GPC5: variants seen among roughly 807,000 people sequenced by gnomAD.
GPC5 encodes the protein glypican-5.
A neutral mutation model predicts 53.9 loss-of-function variants in GPC5; 47 were observed. The observed-to-expected ratio is 0.87, with a 90% CI of 0.69 to 1.11. The LOEUF (loss-of-function observed/expected upper bound fraction) is 1.11. Ranked by LOEUF, GPC5 falls within the 50% of genes most tolerant of loss-of-function variation. The pLI, the probability that GPC5 is intolerant of heterozygous loss-of-function variation, is 0.00. For synonymous variants in GPC5, 286 were observed against 263.3 expected, an observed-to-expected ratio of 1.09 and a Z score of -0.84; for missense variants, 748 against 713.1, an observed-to-expected ratio of 1.05 and a Z score of -0.56.
intron 5 of GPC5, among the ~76,000 whole-genome samples, chr13:91,866,326 T>C (rs1291508713): frequency 6.6e-6 from 1 of 152,216 alleles, no homozygotes; most frequent in African/African-American, 2.4e-5. Flanking sequence ...CTGTTAGTGA[T>C]ATGGTTTGGA....
chr13:92,533,930 A>G (rs529963946), intron 7 of GPC5, among the ~76,000 whole-genome samples: 5 of 152,144 alleles, frequency 3.3e-5, no homozygotes, highest in Non-Finnish European at 7.4e-5. Flanking sequence ...AACCTAACTA[A>G]AAGTGTGAAT....
At chr13:91,444,567 G>T (rs1880653034) in intron 1 of GPC5, among the ~76,000 whole-genome samples, 1 of 152,084 alleles carries the variant, frequency 6.6e-6, no homozygotes, top group South Asian at 2.1e-4. Flanking sequence ...TGTTAATTTT[G>T]TGTAGTGTTT....
intron 2 of GPC5, among the ~76,000 whole-genome samples, chr13:91,460,716 T>G (rs1190531910): frequency 6.6e-6 from 1 of 152,150 alleles, no homozygotes; most frequent in Non-Finnish European, 1.5e-5. Context: ...TTGTAAACTA[T>G]GAAACATAGT....
chr13:92,611,409 C>A (rs1354433713), intron 7 of GPC5, among the ~76,000 whole-genome samples: 2 of 152,196 alleles, frequency 1.3e-5, no homozygotes, highest in Non-Finnish European at 1.5e-5. Context: ...CACTTGACAA[C>A]CAATATCTTT....
chr13:92,529,842 G>T (rs1881491198), intron 7 of GPC5, among the ~76,000 whole-genome samples: 1 of 152,112 alleles, frequency 6.6e-6, no homozygotes, highest in African/African-American at 2.4e-5. Flanking sequence ...CAGCAGTTTG[G>T]GAGGCCGAGG....
chr13:91,533,703 G>C (rs949768158), intron 2 of GPC5, among the ~76,000 whole-genome samples: 1 of 152,126 alleles, frequency 6.6e-6, no homozygotes, highest in Non-Finnish European at 1.5e-5. Context: ...AACTTAAACA[G>C]GTCTGTGAAT....
rs561389384 is a variant in GPC5, at chr13:92,368,846, T to A, written c.1561+223857T>A. Among the ~76,000 whole-genome samples, 86 of 152,228 alleles carry A rather than the reference T, an allele frequency of 5.6e-4. 1 individual carries two copies. In the South Asian group the frequency reaches 0.018, roughly 31 times the overall value. ...ATTAAGTTAACTGAAGCCGGGCATA[T>A]GCATTTTTGTAGGAAGAATTCCCTT... On this transcript the variant is annotated intron_variant, in intron 7 of 7. Coordinates refer to ENST00000377067, the MANE Select transcript of GPC5 (RefSeq NM_004466.6).
At chr13:92,094,216 AATATTT>A in intron 6 of GPC5, among the ~76,000 whole-genome samples, 1 of 152,212 alleles carries the variant, frequency 6.6e-6, no homozygotes, top group Non-Finnish European at 1.5e-5. Flanking sequence ...TAAAGTTGTA[AATATTT>A]AAGAAACTTT....
chr13:91,558,827 G>A (rs1287126740), intron 2 of GPC5, among the ~76,000 whole-genome samples: 13 of 151,382 alleles, frequency 8.6e-5, no homozygotes, highest in South Asian at 6.3e-4. Context: ...GTGAGGTCTG[G>A]ATCTCAGTCA....
intron 6 of GPC5, among the ~76,000 whole-genome samples, chr13:91,928,701 C>T (rs1272151946): frequency 6.6e-6 from 1 of 152,042 alleles, no homozygotes; most frequent in Admixed American, 6.6e-5. Context: ...CCTTCTTTGC[C>T]CCTACAACTC....
intron 6 of GPC5, among the ~76,000 whole-genome samples, chr13:92,107,295 C>T (rs1455345354): frequency 2.0e-5 from 3 of 151,768 alleles, no homozygotes; most frequent in Admixed American, 6.6e-5. Context: ...TTTATCAAAA[C>T]AGCTGAGTTT....
intron 6 of GPC5, among the ~76,000 whole-genome samples, chr13:91,937,289 G>A (rs2039880311): frequency 6.6e-6 from 1 of 151,964 alleles, no homozygotes; most frequent in African/African-American, 2.4e-5. Context: ...AACACATTAT[G>A]TTTGATGAGA....
chr13:92,839,398 G>C (rs1170440170), intron 7 of GPC5, among the ~76,000 whole-genome samples: 5 of 152,150 alleles, frequency 3.3e-5, no homozygotes, highest in Middle Eastern at 3.4e-3. Context: ...ATCTCATCAC[G>C]CAGGTATTAA....
intron 6 of GPC5, among the ~76,000 whole-genome samples, chr13:92,020,723 T>C (rs1212220949): frequency 6.6e-6 from 1 of 151,770 alleles, no homozygotes; most frequent in African/African-American, 2.4e-5. Context: ...CTCATAGAAT[T>C]TGAAGATTAA....
At chr13:92,598,901 C>A (rs1440831104) in intron 7 of GPC5, among the ~76,000 whole-genome samples, 9 of 152,104 alleles carry the variant, frequency 5.9e-5, no homozygotes. Context: ...CCTGTAATCC[C>A]AGCTACTTTG....
chr13:92,130,646 C>T (rs1173598558), intron 6 of GPC5, among the ~76,000 whole-genome samples: 4 of 151,926 alleles, frequency 2.6e-5, no homozygotes, highest in Admixed American at 2.6e-4. Context: ...GGAATATTCG[C>T]CATGCAAATA....
intron 2 of GPC5, among the ~76,000 whole-genome samples, chr13:91,569,150 G>A (rs2031669590): frequency 6.6e-6 from 1 of 152,076 alleles, no homozygotes; most frequent in Non-Finnish European, 1.5e-5. Context: ...GAAAGCTGAG[G>A]CAAGATAGAA....
At chr13:91,880,307 A>G (rs1484163784) in intron 5 of GPC5, among the ~76,000 whole-genome samples, 1 of 151,744 alleles carries the variant, frequency 6.6e-6, no homozygotes, top group African/African-American at 2.4e-5. Flanking sequence ...TTTAAATTTT[A>G]TATTTTCTTA....
intron 7 of GPC5, among the ~76,000 whole-genome samples, chr13:92,341,979 C>A (rs1432291023): frequency 6.6e-6 from 1 of 152,056 alleles, no homozygotes; most frequent in East Asian, 1.9e-4. Flanking sequence ...GACATACAAG[C>A]TCATAATTTG....
Sources: gnomAD v4.1 joint callset for allele counts (sites outside exome capture counted in the v4.1 genomes callset) on GRCh38, gnomAD v4.1.1 for gene constraint, MANE v1.5 for transcripts, NCBI Gene and HGNC (gene_info 2026-07-23, HGNC 2026-07-21) for gene names.